Variants in KRT26 observed in about 807,000 individuals in gnomAD.
KRT26 encodes keratin 26.
In KRT26, 45 loss-of-function variants were observed where a neutral mutation model predicts 46.1. That is an observed-to-expected ratio of 0.98 (90% CI 0.77 to 1.25). KRT26 has a LOEUF of 1.25. Among genes scored for constraint, KRT26 ranks in the 50% most tolerant of loss-of-function variants. The pLI is 0.00. For synonymous variants in KRT26, 191 were observed against 209.9 expected, an observed-to-expected ratio of 0.91 and a Z score of 0.78; for missense variants, 582 against 560.1, an observed-to-expected ratio of 1.04 and a Z score of -0.39.
At chr17:40,770,620 C>A (rs560462687) in intron 2 of KRT26, among the ~76,000 whole-genome samples, 88 of 152,268 alleles carry the variant, frequency 5.8e-4, no homozygotes, top group Non-Finnish European at 1.1e-3. Flanking sequence ...TTTTTGTCAT[C>A]CAATGTGCTT....
Position 40,768,082 on chromosome 17 carries a change from G to A in KRT26, c.1188-429C>T, listed in dbSNP as rs145323461. On this transcript the variant is annotated intron_variant, in intron 6 of 7. Transcript: ENST00000335552. ...AAAAGTGCTGTAAATTAAGTGAAAA[G>A]TGAGTGGTGTAATGAGTGCTTTGTT... is the stretch of plus-strand genomic sequence containing the variant. Among the ~76,000 whole-genome samples the A allele has an allele frequency of 3.0e-4, 46 of 152,352 alleles. No individual in the cohort carries two copies. The East Asian group carries it at 7.9e-3, about 26-fold the overall frequency.
chr17:40,766,535 C>T, exon 8 of KRT26: 3 of 1,610,166 alleles, frequency 1.9e-6, no homozygotes, highest in Non-Finnish European at 2.5e-6. Flanking sequence ...TTAGAAGGTA[C>T]TCGTTGCTCT....
intron 5 of KRT26, 151 bp downstream of exon 5, chr17:40,769,603 T>C (rs985406704): frequency 1.1e-5 from 9 of 844,158 alleles, no homozygotes; most frequent in East Asian, 8.1e-5. Flanking sequence ...AATTGGTGAG[T>C]TTAGGGACAG....
chr17:40,772,188 T>C, upstream of KRT26: 1 of 1,218,366 alleles, frequency 8.2e-7, no homozygotes, highest in Non-Finnish European at 1.2e-6. Context: ...ACTTGTTAGC[T>C]CCCTTGGCCT....
exon 8 of KRT26, chr17:40,766,315 T>G (rs1313142975): frequency 2.5e-6 from 1 of 394,850 alleles, no homozygotes; most frequent in Non-Finnish European, 4.4e-6. Flanking sequence ...AGAGCAGGAT[T>G]TTTCTACTCT....
chr17:40,770,149 C>T (rs765693900), intron 3 of KRT26, 27 bp from the exon 4 acceptor site: 1 of 1,613,954 alleles, frequency 6.2e-7, no homozygotes. Context: ...TATTCATCCT[C>T]AGTGGAGGAT....
chr17:40,770,467 T>A, intron 2 of KRT26, 58 bp from the exon 3 acceptor site: 1 of 1,383,364 alleles, frequency 7.2e-7, no homozygotes. Context: ...AAAGCACAAC[T>A]TTTTAAGGTA....
At chr17:40,770,444 C>T (rs747638576) in intron 2 of KRT26, 35 bp from the exon 3 acceptor site, 37 of 1,540,386 alleles carry the variant, frequency 2.4e-5, no homozygotes, top group Non-Finnish European at 3.1e-5. Flanking sequence ...GAGTTGTCAT[C>T]GTAGGCAGGT....
intron 2 of KRT26, among the ~76,000 whole-genome samples, chr17:40,770,819 G>C (rs1032068625): frequency 6.6e-6 from 1 of 152,120 alleles, no homozygotes; most frequent in Non-Finnish European, 1.5e-5. Context: ...CAAGTAGCTG[G>C]GATTACAGGA....
rs149383385 is a variant in KRT26, at chr17:40,769,018, C to T, written c.1048G>A (p.Gly350Arg). 3,169 of 1,614,050 alleles carry T rather than the reference C, an allele frequency of 2.0e-3. 6 individuals are homozygous for T. Among genetic ancestry groups the T allele is most frequent in the Non-Finnish European group, 2.5e-3 (2,964 of 1,179,966 alleles). The change falls in exon 6 of 8, where the codon GGG (glycine) becomes AGG (arginine). Residue 350 changes from glycine to arginine, a missense_variant. Physicochemically the swap from Gly to Arg is moderately radical, Grantham distance 125. Transcript: ENST00000335552. ...TGTTGCAGTTGTTCCTCCATCACCC[C>T]TATCTGATCCTGAATTTGCTGGAGT...
Position 40,766,667 on chromosome 17 carries a change from C to T in KRT26, c.1256-1G>A. ...TTAACAATAGTTTCTTCTGTTGAGT[C>T]TAAAATAAAATAAATAAAACATTAG... is the stretch of plus-strand genomic sequence containing the variant. On this transcript the variant is annotated splice_acceptor_variant, in intron 7 of 7. Transcript: ENST00000335552. LOFTEE classifies it high-confidence loss of function. The T allele has an allele frequency of 6.2e-7, 1 of 1,603,854 alleles. No homozygotes were observed. The highest frequency in any genetic ancestry group is 8.5e-7 in the Non-Finnish European group (1 of 1,173,952).
chr17:40,771,244 G>A lies in KRT26; in HGVS notation c.442-8C>T, dbSNP rs1357189495. The A allele has an allele frequency of 3.9e-6, 6 of 1,537,298 alleles. No individual in the cohort carries two copies. In the South Asian group the frequency reaches 7.0e-5, roughly 18 times the overall value. On this transcript the variant is annotated splice_polypyrimidine_tract_variant and splice_region_variant and intron_variant, in intron 1 of 7. Coordinates refer to ENST00000335552, the Ensembl canonical transcript of KRT26. ...GATGGTCGCAGAAATAATCTAAATA[G>A]GGAAGATTGTGAAAAATGTTAATTA...
At chr17:40,771,784 G>T (rs150956658) in exon 1 of KRT26, 2 of 1,614,024 alleles carry the variant, frequency 1.2e-6, no homozygotes, top group African/African-American at 2.7e-5. Context: ...TCTGCTCCAG[G>T]TCTGCGTTGG....
rs922300142 is a variant in KRT26 at position 40,768,629 on chromosome 17, A to C, written c.1187+250T>G. ...TTTTCCCCTTGAATTGGAGTACTGGAATTGTTAAATATTCTATATTTAAAT... is the reference window on the plus strand; with the variant it reads ...TTTTCCCCTTGAATTGGAGTACTGGCATTGTTAAATATTCTATATTTAAAT... On this transcript the variant is annotated intron_variant, in intron 6 of 7. Transcript: ENST00000335552. Among the ~76,000 whole-genome samples the C allele has an allele frequency of 3.3e-5, 5 of 152,356 alleles. No individual in the cohort carries two copies. In the South Asian group the frequency reaches 1.0e-3, roughly 32 times the overall value.
At chr17:40,767,114 G>C (rs2038178521) in intron 7 of KRT26, among the ~76,000 whole-genome samples, 1 of 152,190 alleles carries the variant, frequency 6.6e-6, no homozygotes, top group South Asian at 2.1e-4. Flanking sequence ...TTTGAAGTCA[G>C]TGTTTAGCAA....
exon 6 of KRT26, chr17:40,769,059 C>T: frequency 6.2e-7 from 1 of 1,613,958 alleles, no homozygotes; most frequent in South Asian, 1.1e-5. Context: ...GCAGTAATTT[C>T]CTTCAGTCTC....
chr17:40,770,489 G>A (rs1567674565), intron 2 of KRT26, 80 bp from the exon 3 acceptor site: 3 of 1,140,938 alleles, frequency 2.6e-6, no homozygotes, highest in Non-Finnish European at 3.8e-6. Flanking sequence ...TTCATATGCT[G>A]AAAGATATGA....
intron 3 of KRT26, 27 bp downstream of exon 3, chr17:40,770,226 A>G (rs1462768896): frequency 6.8e-6 from 11 of 1,613,954 alleles, no homozygotes; most frequent in Non-Finnish European, 8.5e-6. Context: ...TAGAAACTGT[A>G]TGAAGCCACT....
At chr17:40,767,408 G>A (rs1457344186) in intron 7 of KRT26, among the ~76,000 whole-genome samples, 178 bp downstream of exon 7, 1 of 152,168 alleles carries the variant, frequency 6.6e-6, no homozygotes, top group Non-Finnish European at 1.5e-5. Flanking sequence ...GACCACATCT[G>A]TTGATCTACG....
Sources: gnomAD v4.1 joint callset for allele counts (sites outside exome capture counted in the v4.1 genomes callset) on GRCh38, gnomAD v4.1.1 for gene constraint, MANE v1.5 for transcripts, NCBI Gene and HGNC (gene_info 2026-07-23, HGNC 2026-07-21) for gene names.